TRIM9: variants seen among roughly 807,000 people sequenced by gnomAD.
TRIM9 encodes E3 ubiquitin-protein ligase TRIM9.
In TRIM9, 26 loss-of-function variants were observed where a neutral mutation model predicts 78.3. That is an observed-to-expected ratio of 0.33 (90% CI 0.24 to 0.46). The LOEUF is 0.46. TRIM9 is among the 20% of genes least tolerant of loss of function. The pLI is 1.00. For synonymous variants in TRIM9, 398 were observed against 416.5 expected (o/e 0.96, Z 0.54); for missense variants, 787 against 1,036.4 (o/e 0.76, Z 3.30).
chr14:51,052,155 G>A (rs897881123), intron 1 of TRIM9, among the ~76,000 whole-genome samples: 1 of 152,016 alleles, frequency 6.6e-6, no homozygotes, highest in East Asian at 1.9e-4. Context: ...TCCAGCTACT[G>A]GATTCCATTA....
At chr14:51,056,349 A>AAAGT (rs1196236119) in intron 1 of TRIM9, among the ~76,000 whole-genome samples, 9 of 152,256 alleles carry the variant, frequency 5.9e-5, no homozygotes, top group Admixed American at 1.3e-4. Context: ...AACCCACTAG[A>AAAGT]AAGTAAGTCT....
At chr14:51,072,886 T>G (rs893295262) in intron 1 of TRIM9, among the ~76,000 whole-genome samples, 1 of 152,002 alleles carries the variant, frequency 6.6e-6, no homozygotes, top group African/African-American at 2.4e-5. Context: ...GAGAAAAAAA[T>G]TACAAGAGAA....
intron 3 of TRIM9, among the ~76,000 whole-genome samples, chr14:51,013,868 C>G (rs1327488060): frequency 6.6e-6 from 1 of 152,176 alleles, no homozygotes; most frequent in Non-Finnish European, 1.5e-5. Flanking sequence ...TGACCTACAG[C>G]TAATATGCTA....
intron 1 of TRIM9, among the ~76,000 whole-genome samples, chr14:51,061,214 A>C (rs1400271304): frequency 6.6e-6 from 1 of 151,966 alleles, no homozygotes; most frequent in African/African-American, 2.4e-5. Flanking sequence ...GGAGTTTGAG[A>C]CCAGCCTGGC....
intron 1 of TRIM9, among the ~76,000 whole-genome samples, chr14:51,085,193 G>A (rs1270025117): frequency 6.6e-6 from 1 of 152,138 alleles, no homozygotes; most frequent in African/African-American, 2.4e-5. Flanking sequence ...GAGGAGATGA[G>A]CAAAAACCTC....
chr14:51,000,585 C>CA, intron 6 of TRIM9, 98 bp downstream of exon 6: 1 of 1,526,880 alleles, frequency 6.5e-7, no homozygotes, highest in South Asian at 1.2e-5. Context: ...GGCCTGTCCC[C>CA]AGGAGAGATG....
Position 51,001,379 on chromosome 14 carries a change from G to A in TRIM9, c.1307-539C>T, listed in dbSNP as rs1027565397. Among the ~76,000 whole-genome samples the A allele has an allele frequency of 5.9e-5, 9 of 151,866 alleles. No individual in the cohort carries two copies. In the East Asian group the frequency reaches 1.7e-3, roughly 29 times the overall value. On this transcript the variant is annotated intron_variant, in intron 5 of 12. Coordinates refer to ENST00000684578, the MANE Select transcript of TRIM9 (RefSeq NM_001387360.1). Reference sequence around the variant, plus strand: ...GGAGTAGCTGGGACTACAGGCGCCCGCCACCACGCCCGGCTAATTTTTTGT... The same window carrying A: ...GGAGTAGCTGGGACTACAGGCGCCCACCACCACGCCCGGCTAATTTTTTGT...
Position 50,996,641 on chromosome 14 carries a change from G to A in TRIM9, c.1603+1409C>T, listed in dbSNP as rs562617746. ...GCCATCACCAGCAAGGGCCTTCTGCGTTGCATCTAGGAAAGACTCTTGGAG... is the reference window on the plus strand; with the variant it reads ...GCCATCACCAGCAAGGGCCTTCTGCATTGCATCTAGGAAAGACTCTTGGAG... On this transcript the variant is annotated intron_variant, in intron 7 of 12. Coordinates refer to ENST00000684578, the MANE Select transcript of TRIM9 (RefSeq NM_001387360.1). 7.6e-5 allele frequency: 75 copies of A among 985,386 alleles called. No individual in the cohort carries two copies. In the African/African-American group the frequency reaches 1.2e-3, roughly 16 times the overall value. The allele number at this position is 985,386 out of a possible 1,614,324, so 61.0% of individuals were successfully genotyped here.
At chr14:50,985,617 G>A (rs1400467120) in intron 8 of TRIM9, among the ~76,000 whole-genome samples, 3 of 152,154 alleles carry the variant, frequency 2.0e-5, no homozygotes, top group African/African-American at 7.2e-5. Flanking sequence ...TGCCATGGCC[G>A]CCACTCAGCC....
Position 50,976,327 on chromosome 14 carries a change from A to C in TRIM9, c.*964T>G, listed in dbSNP as rs1161370343. On this transcript the variant is annotated 3_prime_UTR_variant, in exon 13 of 13. Transcript: ENST00000684578. The stretch of plus-strand genomic sequence containing the variant: ...TTAGCATCATTCTAGGAAGCCTGAA[A>C]GATCTTGCCCATGAGTCTCTTTGAC... 2.6e-5 allele frequency: 4 copies of C among 152,328 alleles called. No homozygotes were observed. The highest frequency in any genetic ancestry group is 1.5e-5 in the Non-Finnish European group (1 of 68,048). The allele number at this position is 152,328 out of a possible 1,614,324, so 9.4% of individuals were successfully genotyped here.
chr14:51,041,794 A>C (rs1343301181), intron 1 of TRIM9, among the ~76,000 whole-genome samples: 4 of 151,020 alleles, frequency 2.6e-5, no homozygotes, highest in African/African-American at 9.7e-5. Context: ...TTTAAAGCCT[A>C]ATATGATGTT....
chr14:50,979,154 G>C, intron 12 of TRIM9: 1 of 1,411,300 alleles, frequency 7.1e-7, no homozygotes, highest in South Asian at 1.7e-5. Context: ...GAGAATTCTA[G>C]TTTCCTATGT....
intron 5 of TRIM9, among the ~76,000 whole-genome samples, chr14:51,003,016 T>C (rs958803702): frequency 6.6e-6 from 1 of 152,172 alleles, no homozygotes; most frequent in African/African-American, 2.4e-5. Flanking sequence ...AATAAATTCA[T>C]TGTCTTGCTC....
chr14:51,088,191 C>G (rs1317059138), intron 1 of TRIM9, among the ~76,000 whole-genome samples: 3 of 152,146 alleles, frequency 2.0e-5, no homozygotes, highest in African/African-American at 4.8e-5. Flanking sequence ...TCTACATAGA[C>G]AAGAAATGAA....
At position 51,094,343 on chromosome 14, in the gene TRIM9, C is replaced by A. The variant is rs1028988376; in HGVS notation, c.597G>T (p.Pro199=). ...YCDPCRLRCH[P]PRGPLAKHRL... is the part of the protein sequence containing the mutation. ...GGTGCTTGGCTAGGGGCCCCCGGGG[C>A]GGGTGGCAGCGCAGGCGGCACGGAT... The change falls in exon 1 of 13, where the codon CCG becomes CCT. Residue 199 remains proline, a synonymous_variant. Coordinates refer to ENST00000684578, the MANE Select transcript of TRIM9 (RefSeq NM_001387360.1). The A allele has an allele frequency of 6.2e-7, 1 of 1,613,446 alleles. No individual in the cohort carries two copies. Among genetic ancestry groups the A allele is most frequent in the East Asian group, 2.2e-5 (1 of 44,860 alleles).
At chr14:51,019,135 G>T (rs2057505761) in intron 3 of TRIM9, among the ~76,000 whole-genome samples, 4 of 152,346 alleles carry the variant, frequency 2.6e-5, no homozygotes. Context: ...GGAAATGTAG[G>T]CTTTCTTCAG....
chr14:51,073,968 C>A (rs1332812175), intron 1 of TRIM9, among the ~76,000 whole-genome samples: 2 of 152,166 alleles, frequency 1.3e-5, no homozygotes, highest in Non-Finnish European at 2.9e-5. Flanking sequence ...TCAAGGTCAG[C>A]AACCTCAGGT....
At chr14:51,049,661 A>G (rs1400974766) in intron 1 of TRIM9, among the ~76,000 whole-genome samples, 2 of 151,944 alleles carry the variant, frequency 1.3e-5, no homozygotes, top group African/African-American at 4.8e-5. Context: ...CGCCATCTCT[A>G]CTAAAACTAC....
At chr14:51,066,950 A>G (rs1219472177) in intron 1 of TRIM9, among the ~76,000 whole-genome samples, 2 of 152,212 alleles carry the variant, frequency 1.3e-5, no homozygotes, top group African/African-American at 2.4e-5. Flanking sequence ...AGTTCCTTAC[A>G]TAAGGACTCA....
Sources: gnomAD v4.1 joint callset for allele counts (sites outside exome capture counted in the v4.1 genomes callset) on GRCh38, gnomAD v4.1.1 for gene constraint, MANE v1.5 for transcripts, NCBI Gene and HGNC (gene_info 2026-07-23, HGNC 2026-07-21) for gene names.